The following FAT4 variants were observed in gnomAD, a reference collection of about 807,000 sequenced individuals.
FAT4 encodes the protein FAT atypical cadherin 4.
In FAT4, 84 loss-of-function variants were observed where a neutral mutation model predicts 303.9. The ratio of observed to expected loss-of-function variants is 0.28; its 90% CI spans 0.23 to 0.33. The LOEUF is 0.33. Among genes scored for constraint, FAT4 ranks in the 10% least tolerant of loss-of-function variants. The probability of loss-of-function intolerance (pLI) is 1.00; values close to 1 mark genes in which losing one functional copy is unlikely to be tolerated. For synonymous variants in FAT4, 2,307 were observed against 2,298.8 expected, an observed-to-expected ratio of 1.00 and a Z score of -0.10; for missense variants, 6,005 against 6,146.8, an observed-to-expected ratio of 0.98 and a Z score of 0.77.
At chr4:125,401,057 C>T (rs1414726430) in intron 3 of FAT4, among the ~76,000 whole-genome samples, 1 of 151,804 alleles carries the variant, frequency 6.6e-6, no homozygotes, top group Non-Finnish European at 1.5e-5. Flanking sequence ...ACTAGGTGCA[C>T]CTACAACATT....
chr4:125,406,604 ATATTAAG>A (rs1734618875), intron 3 of FAT4, among the ~76,000 whole-genome samples: 2 of 152,180 alleles, frequency 1.3e-5, no homozygotes, highest in African/African-American at 4.8e-5. Flanking sequence ...CATTTTAACA[ATATTAAG>A]TCTTCCAATG....
intron 8 of FAT4, among the ~76,000 whole-genome samples, chr4:125,439,335 C>CTTT (rs748291081): frequency 1.4e-5 from 2 of 140,034 alleles, no homozygotes; most frequent in African/African-American, 2.6e-5. Context: ...GATTTCTTTT[C>CTTT]TTTTTTTTTT....
chr4:125,331,496 C>T (rs1222434410), intron 2 of FAT4, among the ~76,000 whole-genome samples: 3 of 152,152 alleles, frequency 2.0e-5, no homozygotes, highest in African/African-American at 4.8e-5. Flanking sequence ...TGGCTAAGAA[C>T]GTGTAACCCA....
At chr4:125,378,065 A>G (rs913731139) in intron 2 of FAT4, among the ~76,000 whole-genome samples, 2 of 152,100 alleles carry the variant, frequency 1.3e-5, no homozygotes, top group African/African-American at 4.8e-5. Context: ...AAACTTCGAT[A>G]ACATAAGCTT....
intron 8 of FAT4, among the ~76,000 whole-genome samples, chr4:125,439,367 C>T (rs1237690588): frequency 1.3e-5 from 2 of 149,964 alleles, no homozygotes; most frequent in African/African-American, 4.9e-5. Flanking sequence ...GAGTCTCGCT[C>T]TGTCACCCAG....
Position 125,415,809 on chromosome 4 carries a change from C to A in FAT4, c.6843+3C>A. 1 of 1,590,692 alleles carries A rather than the reference C, an allele frequency of 6.3e-7. No homozygotes were observed. Among genetic ancestry groups the A allele is most frequent in the Non-Finnish European group, 8.6e-7 (1 of 1,165,782 alleles). On this transcript the variant is annotated splice_donor_region_variant and intron_variant, in intron 6 of 17. Transcript: ENST00000394329. ...CACTACCCAGAACAATTCTTCAGGT[C>A]AGTATATTTAAATAAAGCAAGTATT...
intron 7 of FAT4, among the ~76,000 whole-genome samples, chr4:125,426,864 T>TA (rs1410843685): frequency 6.6e-6 from 1 of 152,010 alleles, no homozygotes; most frequent in Non-Finnish European, 1.5e-5. Flanking sequence ...AACTGAATGA[T>TA]AAAGATTATA....
chr4:125,406,968 C>T lies in FAT4; in HGVS notation c.5396C>T (p.Thr1799Ile). The T allele has an allele frequency of 6.2e-7, 1 of 1,613,828 alleles. No individual in the cohort carries two copies. Among genetic ancestry groups the T allele is most frequent in the South Asian group, 1.1e-5 (1 of 91,076 alleles). Reference protein sequence around the residue: ...IDPESGDLIATRRLDRERRSK... With the variant: ...IDPESGDLIAIRRLDRERRSK... ...CCAGAATCCGGAGATCTGATAGCAA[C>T]CAGGCGGTTGGACAGGGAACGCCGC... is the stretch of plus-strand genomic sequence containing the variant. The change falls in exon 4 of 18, where the codon ACC becomes ATC. Residue 1799 changes from threonine to isoleucine, a missense_variant. Physicochemically the swap from Thr to Ile is moderately conservative, Grantham distance 89 (BLOSUM62 -1). Transcript: ENST00000394329.
chr4:125,337,694 A>T (rs2125964640), intron 2 of FAT4, among the ~76,000 whole-genome samples: 1 of 152,244 alleles, frequency 6.6e-6, no homozygotes, highest in African/African-American at 2.4e-5. Flanking sequence ...GGTTGCTTTA[A>T]GGATTACTGT....
Position 125,452,469 on chromosome 4 carries a change from TA to T in FAT4, c.11460del (p.Arg3821GlufsTer5). On this transcript the variant is annotated frameshift_variant, in exon 10 of 18. Coordinates refer to ENST00000394329, the MANE Select transcript of FAT4 (RefSeq NM_001291303.3). LOFTEE classifies it high-confidence loss of function. The part of the protein sequence containing the change: ...HGPCQNGGSC[L>X]RRLAVSSVLK... ...CCATGTCAGAATGGAGGGAGCTGTCTACGAAGATTGGCTGTGAGCTCCGTAT... is the reference window on the plus strand; with the variant it reads ...CCATGTCAGAATGGAGGGAGCTGTCTCGAAGATTGGCTGTGAGCTCCGTAT... 6.2e-7 allele frequency: 1 copy of T among 1,614,042 alleles called. No individual in the cohort carries two copies. Among genetic ancestry groups the T allele is most frequent in the Non-Finnish European group, 8.5e-7 (1 of 1,180,036 alleles).
intron 4 of FAT4, among the ~76,000 whole-genome samples, chr4:125,408,177 A>G (rs1734694712): frequency 6.6e-6 from 1 of 152,166 alleles, no homozygotes; most frequent in Non-Finnish European, 1.5e-5. Context: ...CTAGATGGAA[A>G]CATAACATCA....
chr4:125,416,355 A>G, intron 6 of FAT4, 93 bp from the exon 7 acceptor site: 2 of 1,126,596 alleles, frequency 1.8e-6, no homozygotes, highest in Non-Finnish European at 1.3e-6. Context: ...ATCTCTTAAC[A>G]TAGTTTTACC....
chr4:125,352,072 CT>C (rs555054044), intron 2 of FAT4, among the ~76,000 whole-genome samples: 3 of 151,374 alleles, frequency 2.0e-5, no homozygotes, highest in African/African-American at 7.3e-5. Flanking sequence ...CCAACAAATC[CT>C]TTTTTTAAAA....
chr4:125,487,897 G>T (rs1421712288), intron 17 of FAT4, among the ~76,000 whole-genome samples: 1 of 152,086 alleles, frequency 6.6e-6, no homozygotes, highest in East Asian at 1.9e-4. Context: ...ATAGTGTTTT[G>T]ATGCTTTGCT....
intron 11 of FAT4, among the ~76,000 whole-genome samples, chr4:125,466,976 A>G (rs1032127578): frequency 6.6e-6 from 1 of 151,824 alleles, no homozygotes; most frequent in African/African-American, 2.4e-5. Flanking sequence ...ACGGGGTTTC[A>G]CCGTGTTAGC....
intron 14 of FAT4, among the ~76,000 whole-genome samples, chr4:125,478,774 C>T (rs1346833989): frequency 6.6e-6 from 1 of 152,036 alleles, no homozygotes; most frequent in Non-Finnish European, 1.5e-5. Flanking sequence ...CATGATCCAC[C>T]ACCTCAGCCT....
Position 125,318,838 on chromosome 4 carries a change from A to G in FAT4, c.2427A>G (p.Gly809=). 6.2e-7 allele frequency: 1 copy of G among 1,614,116 alleles called. No homozygotes were observed. Among genetic ancestry groups the G allele is most frequent in the Non-Finnish European group, 8.5e-7 (1 of 1,180,024 alleles). Reference sequence around the variant, plus strand: ...TGGTTTTTGAGAACGTGGCGCTGGGATATCATGTGGGTAGTGTGTCTGCAT... The same window carrying G: ...TGGTTTTTGAGAACGTGGCGCTGGGGTATCATGTGGGTAGTGTGTCTGCAT... ...SFVVFENVAL[G]YHVGSVSAST... is the part of the protein sequence containing the mutation. The change falls in exon 2 of 18, where the codon GGA becomes GGG. Residue 809 remains glycine, a synonymous_variant. Transcript: ENST00000394329.
chr4:125,472,431 C>G (rs1726895897), intron 12 of FAT4, among the ~76,000 whole-genome samples: 1 of 152,008 alleles, frequency 6.6e-6, no homozygotes, highest in Non-Finnish European at 1.5e-5. Context: ...TTTAACCAAG[C>G]TTTTGCTAGT....
At chr4:125,409,910 G>A (rs1487253995) in intron 5 of FAT4, among the ~76,000 whole-genome samples, 1 of 152,088 alleles carries the variant, frequency 6.6e-6, no homozygotes, top group African/African-American at 2.4e-5. Context: ...GTACTTTGAA[G>A]AAGAAATAGG....
Sources: gnomAD v4.1 joint callset for allele counts (sites outside exome capture counted in the v4.1 genomes callset) on GRCh38, gnomAD v4.1.1 for gene constraint, MANE v1.5 for transcripts, NCBI Gene and HGNC (gene_info 2026-07-23, HGNC 2026-07-21) for gene names.